The following DOCK10 variants were observed in gnomAD, a reference collection of about 807,000 sequenced individuals.
DOCK10 encodes dedicator of cytokinesis protein 10.
In DOCK10, 145 loss-of-function variants were observed where a neutral mutation model predicts 280.1. The observed-to-expected ratio is 0.52, with a 90% CI of 0.45 to 0.59. DOCK10 has a LOEUF of 0.59. Ranked by LOEUF, DOCK10 falls within the 20% of genes least tolerant of loss-of-function variation. DOCK10 has a pLI of 0.00. For synonymous variants in DOCK10, 915 were observed against 942.2 expected (o/e 0.97, Z 0.53); for missense variants, 2,368 against 2,651.7 (o/e 0.89, Z 2.35).
At chr2:225,019,034 C>T (rs1222508764) in intron 1 of DOCK10, among the ~76,000 whole-genome samples, 2 of 121,208 alleles carry the variant, frequency 1.7e-5, no homozygotes, top group Non-Finnish European at 3.6e-5. Flanking sequence ...ACTATATAGC[C>T]CTGTTACCAA....
chr2:225,001,290 T>A (rs1365841647), intron 1 of DOCK10, among the ~76,000 whole-genome samples: 1 of 80,750 alleles, frequency 1.2e-5, no homozygotes, highest in Non-Finnish European at 2.1e-5. Context: ...ACAACAGACC[T>A]TTTTTTTTTT....
At chr2:224,943,604 A>C (rs1703215418) in intron 1 of DOCK10, among the ~76,000 whole-genome samples, 1 of 152,154 alleles carries the variant, frequency 6.6e-6, no homozygotes, top group Admixed American at 6.5e-5. Flanking sequence ...TATATCCAAA[A>C]ATTTAAAAGA....
In DOCK10 at chr2:224,877,687, G is replaced by T. The variant is rs1256000707; in HGVS notation, c.748-1466C>A. ...AAAGAAGATCTCTGATTTGAAATCTGTAGAAAGGAGAAATGGGCTATTGAA... is the reference window on the plus strand; with the variant it reads ...AAAGAAGATCTCTGATTTGAAATCTTTAGAAAGGAGAAATGGGCTATTGAA... On this transcript the variant is annotated intron_variant, in intron 7 of 55. Coordinates refer to ENST00000258390, the MANE Select transcript of DOCK10 (RefSeq NM_014689.3). Among the ~76,000 whole-genome samples the T allele has an allele frequency of 2.6e-5, 4 of 152,216 alleles. No homozygotes were observed. The East Asian group carries it at 7.7e-4, about 29-fold the overall frequency.
intron 3 of DOCK10, among the ~76,000 whole-genome samples, chr2:224,911,969 A>G (rs1331185554): frequency 6.6e-6 from 1 of 152,312 alleles, no homozygotes; most frequent in East Asian, 1.9e-4. Context: ...TGAGTGCTCC[A>G]CATGCCATTT....
intron 1 of DOCK10, among the ~76,000 whole-genome samples, chr2:225,031,062 G>A (rs1323743657): frequency 1.3e-5 from 2 of 152,102 alleles, no homozygotes; most frequent in Non-Finnish European, 2.9e-5. Context: ...TTGCTGCCCT[G>A]GAAATATGGA....
chr2:224,830,556 G>A lies in DOCK10; in HGVS notation c.3021C>T (p.Asp1007=). 6.6e-7 allele frequency: 1 copy of A among 1,508,948 alleles called. No homozygotes were observed. Among genetic ancestry groups the A allele is most frequent in the Non-Finnish European group, 8.9e-7 (1 of 1,118,466 alleles). 93.5% of individuals were successfully genotyped at this position (1,508,948 alleles called of 1,614,324 possible). ...ATGTTCTTACCTGGATTTTATTTGT[G>A]TCAATCAAGTGCTGTGCCATCGATT... ...ILKSMAQHLI[D]TNKIQLPRPQ... is the part of the protein sequence containing the mutation. Residue 1007 remains aspartate, a synonymous_variant, in exon 27 of 56, where the codon GAC becomes GAT. Coordinates refer to ENST00000258390, the MANE Select transcript of DOCK10 (RefSeq NM_014689.3).
rs1705041965 is a variant in DOCK10, at chr2:224,970,856, A to G, written c.124-39188T>C. Among the ~76,000 whole-genome samples the G allele has an allele frequency of 6.6e-6, 1 of 152,240 alleles. No individual in the cohort carries two copies. The highest frequency in any genetic ancestry group is 2.4e-5 in the African/African-American group (1 of 41,470). On this transcript the variant is annotated intron_variant, in intron 1 of 55. Transcript: ENST00000258390. The surrounding 1 kb of genome is among the most constrained non-coding windows in gnomAD (Gnocchi z 4.6). Reference sequence around the variant, plus strand: ...GAAACTGGATAGGATTTGCTATGCTATTGACATTACTTTGTATTTTGTAGC... The same window carrying G: ...GAAACTGGATAGGATTTGCTATGCTGTTGACATTACTTTGTATTTTGTAGC...
chr2:224,990,598 A>AT (rs1706099869), intron 1 of DOCK10, among the ~76,000 whole-genome samples: 1 of 122,278 alleles, frequency 8.2e-6, no homozygotes, highest in African/African-American at 6.3e-5. Flanking sequence ...TTTTTGTTGT[A>AT]GTTGTTGTTG....
intron 28 of DOCK10, among the ~76,000 whole-genome samples, chr2:224,820,326 T>C (rs1694427138): frequency 6.6e-6 from 1 of 152,226 alleles, no homozygotes; most frequent in African/African-American, 2.4e-5. Flanking sequence ...ATGTAACCAG[T>C]AACCAAGCTA....
intron 40 of DOCK10, 97 bp from the exon 41 acceptor site, chr2:224,800,360 G>A: frequency 5.0e-6 from 3 of 604,186 alleles, no homozygotes; most frequent in Non-Finnish European, 8.4e-6. Context: ...AAAGTTTGCT[G>A]GCATTTTGAT....
chr2:224,812,139 G>T (rs1161175376), intron 31 of DOCK10, among the ~76,000 whole-genome samples: 1 of 152,086 alleles, frequency 6.6e-6, no homozygotes, highest in Non-Finnish European at 1.5e-5. Context: ...TCTTCCATTT[G>T]TTTGTATCCT....
intron 1 of DOCK10, among the ~76,000 whole-genome samples, chr2:224,959,619 A>G (rs115947028): frequency 0.015 from 2,276 of 152,306 alleles, 22 homozygotes; most frequent in Non-Finnish European, 0.024. Flanking sequence ...TCACTAGATG[A>G]CATTGCCCTT....
At chr2:224,921,760 T>C (rs1391119770) in intron 2 of DOCK10, among the ~76,000 whole-genome samples, 1 of 152,160 alleles carries the variant, frequency 6.6e-6, no homozygotes, top group Admixed American at 6.5e-5. Context: ...AACGTGCTAT[T>C]GATCTTAGTT....
intron 1 of DOCK10, among the ~76,000 whole-genome samples, chr2:225,037,543 C>G (rs900833184): frequency 6.6e-6 from 1 of 152,168 alleles, no homozygotes; most frequent in African/African-American, 2.4e-5. Context: ...ATTCAAAATG[C>G]AGAGGATGTC....
At chr2:224,956,875 C>A (rs552868684) in intron 1 of DOCK10, among the ~76,000 whole-genome samples, 1 of 152,260 alleles carries the variant, frequency 6.6e-6, no homozygotes, top group South Asian at 2.1e-4. Context: ...GTGGAATTAA[C>A]TAACCAGCTG....
At chr2:224,869,688 C>G (rs1008329362) in intron 11 of DOCK10, among the ~76,000 whole-genome samples, 7 of 152,122 alleles carry the variant, frequency 4.6e-5, no homozygotes, top group Non-Finnish European at 7.4e-5. Context: ...TCAACTTAAC[C>G]CTTTGGCCTG....
intron 1 of DOCK10, among the ~76,000 whole-genome samples, chr2:225,031,318 T>C (rs1690068160): frequency 6.6e-6 from 1 of 152,198 alleles, no homozygotes; most frequent in Non-Finnish European, 1.5e-5. Context: ...GATACATCTG[T>C]TCAGAAATGG....
At position 224,837,822 on chromosome 2, in the gene DOCK10, G is replaced by A. The variant is rs373071946; in HGVS notation, c.2790C>T (p.Thr930=). 9.3e-5 allele frequency: 150 copies of A among 1,613,658 alleles called. 2 individuals carry two copies. The highest frequency in any genetic ancestry group is 4.9e-4 in the Middle Eastern group (3 of 6,084). Residue 930 remains threonine (T), a synonymous_variant, in exon 25 of 56, where the codon ACC becomes ACT. Transcript: ENST00000258390. The part of the protein sequence containing the change: ...EITTTVTRVL[T]DIVAKCHEEQ... ...CCTCATGGCACTTGGCCACAATGTC[G>A]GTCAGAACCCTGCAAAAGCAAAGCT...
At position 224,919,036 on chromosome 2, in the gene DOCK10, T is replaced by C. The variant is rs1236165698; in HGVS notation, c.244-2252A>G. Reference sequence around the variant, plus strand: ...GTATATACGCACAGGGTGTGTGTGGTGAGTGTATGTGTGGTCTGTGTGGTG... The same window carrying C: ...GTATATACGCACAGGGTGTGTGTGGCGAGTGTATGTGTGGTCTGTGTGGTG... On this transcript the variant is annotated intron_variant, in intron 2 of 55. Coordinates refer to ENST00000258390, the MANE Select transcript of DOCK10 (RefSeq NM_014689.3). Among the ~76,000 whole-genome samples, 11 of 145,352 alleles carry C rather than the reference T, an allele frequency of 7.6e-5. No individual in the cohort carries two copies. In the Admixed American group the frequency reaches 7.6e-4, roughly 10 times the overall value.
Sources: gnomAD v4.1 joint callset for allele counts (sites outside exome capture counted in the v4.1 genomes callset) on GRCh38, gnomAD v4.1.1 for gene constraint, Gnocchi (gnomAD v3.1) non-coding constraint, MANE v1.5 for transcripts, NCBI Gene and HGNC (gene_info 2026-07-23, HGNC 2026-07-21) for gene names.